The following CEP63 variants were observed in gnomAD, a reference collection of about 807,000 sequenced individuals.
The protein encoded by CEP63 is centrosomal protein 63, also known as centrosomal protein of 63 kDa.
In CEP63, 84 loss-of-function variants were observed where a neutral mutation model predicts 89.1. That is an observed-to-expected ratio of 0.94 (90% CI 0.79 to 1.13). CEP63 has a LOEUF of 1.13. Ranked by LOEUF, CEP63 falls within the 50% of genes most tolerant of loss-of-function variation. The pLI, the probability that CEP63 is intolerant of heterozygous loss-of-function variation, is 0.00. For missense variants in CEP63, 838 were observed against 813.3 expected, an observed-to-expected ratio of 1.03 and a Z score of -0.37; for synonymous variants, 267 against 272.5, an observed-to-expected ratio of 0.98 and a Z score of 0.20.
the CEP63 span, among the ~76,000 whole-genome samples, chr3:134,606,845 G>A: frequency 6.6e-6 from 1 of 151,014 alleles, no homozygotes; most frequent in Non-Finnish European, 1.5e-5. Flanking sequence ...CCCCTCCACG[G>A]CACTCTCCTA....
intron 9 of CEP63, among the ~76,000 whole-genome samples, chr3:134,547,840 C>T (rs1953876890): frequency 6.6e-6 from 1 of 151,990 alleles, no homozygotes; most frequent in Non-Finnish European, 1.5e-5. Flanking sequence ...AACTCCTGAC[C>T]TCAGGTGATC....
At chr3:134,608,356 T>C in the CEP63 span, 1 of 1,334,936 alleles carries the variant, frequency 7.5e-7, no homozygotes, top group East Asian at 4.0e-5. Context: ...GTGTTCAGCC[T>C]TCAAGTTCTA....
At position 134,558,226 on chromosome 3, in the gene CEP63, A is replaced by G. The variant is rs1225481196; in HGVS notation, c.1552A>G (p.Lys518Glu). 6.2e-7 allele frequency: 1 copy of G among 1,613,358 alleles called. No homozygotes were observed. Among genetic ancestry groups the G allele is most frequent in the South Asian group, 1.1e-5 (1 of 91,072 alleles). The change falls in exon 13 of 15, where the codon AAA (lysine) becomes GAA (glutamate). Residue 518 changes from lysine (K) to glutamate (E), a missense_variant. By Grantham distance (56) the Lys-to-Glu change is moderately conservative. Transcript: ENST00000675561. ...AGTGTCTGAAAATCAACAACTACAGAAAGATTTGATGAATACCAAATCTCA... is the reference window on the plus strand; with the variant it reads ...AGTGTCTGAAAATCAACAACTACAGGAAGATTTGATGAATACCAAATCTCA... Reference protein sequence around the residue: ...KLVSENQQLQKDLMNTKSQLE... With the variant: ...KLVSENQQLQEDLMNTKSQLE...
At chr3:134,774,621 A>G in the CEP63 span, among the ~76,000 whole-genome samples, 1 of 152,200 alleles carries the variant, frequency 6.6e-6, no homozygotes, top group Non-Finnish European at 1.5e-5. Context: ...AAATATCTCA[A>G]TCACCTGAGC....
At chr3:134,615,619 T>G in the CEP63 span, among the ~76,000 whole-genome samples, 2 of 152,008 alleles carry the variant, frequency 1.3e-5, no homozygotes, top group Non-Finnish European at 2.9e-5. Context: ...TTTGCACCAG[T>G]GACATAACTC....
the CEP63 span, among the ~76,000 whole-genome samples, chr3:134,681,851 T>C: frequency 1.4e-4 from 21 of 152,300 alleles, no homozygotes; most frequent in Admixed American, 2.6e-4. Context: ...CCCCATCTTA[T>C]AATATTTGAA....
At chr3:134,598,485 C>T in the CEP63 span, among the ~76,000 whole-genome samples, 3 of 152,194 alleles carry the variant, frequency 2.0e-5, no homozygotes, top group African/African-American at 7.2e-5. Context: ...ACAACCCTAT[C>T]GTCCTAGTGT....
the CEP63 span, among the ~76,000 whole-genome samples, chr3:134,751,412 G>A: frequency 6.6e-6 from 1 of 152,274 alleles, no homozygotes; most frequent in African/African-American, 2.4e-5. Context: ...CTAATTTGAT[G>A]CTTAACTTTT....
At chr3:134,644,566 T>C in the CEP63 span, among the ~76,000 whole-genome samples, 2 of 152,246 alleles carry the variant, frequency 1.3e-5, no homozygotes, top group Non-Finnish European at 2.9e-5. Context: ...CTTCTCTCTA[T>C]AGCTTCCTGC....
the CEP63 span, among the ~76,000 whole-genome samples, chr3:134,597,270 C>G: frequency 3.3e-5 from 5 of 152,188 alleles, no homozygotes; most frequent in Admixed American, 3.3e-4. Context: ...TGCCTTTCAT[C>G]AAATTAGTCC....
rs552008440 is a variant in CEP63, at chr3:134,494,533, G to C, written c.-25-763G>C. On this transcript the variant is annotated intron_variant, in intron 1 of 14. Coordinates refer to ENST00000675561, the MANE Select transcript of CEP63 (RefSeq NM_001353108.3). ...TGGGGGAGAGGGTAGGTAAAAGAGGGAGGGGAGTTAAGTTCAGCCAAAATA... is the reference window on the plus strand; with the variant it reads ...TGGGGGAGAGGGTAGGTAAAAGAGGCAGGGGAGTTAAGTTCAGCCAAAATA... Among the ~76,000 whole-genome samples the C allele has an allele frequency of 2.7e-4, 41 of 152,272 alleles. 1 individual carries two copies. The highest frequency in any genetic ancestry group is 9.9e-4 in the African/African-American group (41 of 41,554).
the CEP63 span, among the ~76,000 whole-genome samples, chr3:134,679,697 G>A: frequency 2.0e-5 from 3 of 152,134 alleles, no homozygotes; most frequent in African/African-American, 4.8e-5. Flanking sequence ...TCATCAGGGT[G>A]GGCTCTAATC....
chr3:134,519,657 C>T (rs2108736042), intron 3 of CEP63, among the ~76,000 whole-genome samples: 1 of 152,282 alleles, frequency 6.6e-6, no homozygotes, highest in African/African-American at 2.4e-5. Flanking sequence ...AGGAAAATTA[C>T]AGGCCAGTCT....
intron 3 of CEP63, among the ~76,000 whole-genome samples, chr3:134,529,501 T>C (rs979496005): frequency 6.6e-6 from 1 of 151,910 alleles, no homozygotes; most frequent in Non-Finnish European, 1.5e-5. Context: ...CCACCAGGTC[T>C]AACTAATTTT....
At chr3:134,741,412 C>T in the CEP63 span, among the ~76,000 whole-genome samples, 1 of 152,188 alleles carries the variant, frequency 6.6e-6, no homozygotes, top group Admixed American at 6.5e-5. Context: ...GAGGTAGCAT[C>T]TCCTTTACTT....
chr3:134,603,754 A>G, the CEP63 span: 7 of 1,612,422 alleles, frequency 4.3e-6, no homozygotes, highest in Admixed American at 1.2e-4. Flanking sequence ...GACTTTGGCA[A>G]TACCATGCAG....
chr3:134,653,092 G>C, the CEP63 span, among the ~76,000 whole-genome samples: 2 of 152,180 alleles, frequency 1.3e-5, no homozygotes, highest in Non-Finnish European at 2.9e-5. Flanking sequence ...TGGGGAAATG[G>C]TGTGGAGGCC....
intron 5 of CEP63, 47 bp downstream of exon 5, chr3:134,532,947 G>A (rs767631883): frequency 9.4e-6 from 15 of 1,602,758 alleles, no homozygotes; most frequent in South Asian, 5.5e-5. Flanking sequence ...CAGCCTTCAC[G>A]TAGGAAAATG....
the CEP63 span, among the ~76,000 whole-genome samples, chr3:134,678,230 C>T: frequency 6.6e-5 from 10 of 152,180 alleles, no homozygotes; most frequent in South Asian, 4.2e-4. Context: ...TCCTGCCCTC[C>T]GCTCCTTCCT....
Sources: gnomAD v4.1 joint callset for allele counts (sites outside exome capture counted in the v4.1 genomes callset) on GRCh38, gnomAD v4.1.1 for gene constraint, MANE v1.5 for transcripts, NCBI Gene and HGNC (gene_info 2026-07-23, HGNC 2026-07-21) for gene names.